Variants in CNGB1 observed in about 807,000 individuals in gnomAD.
CNGB1 encodes the protein cyclic nucleotide-gated channel beta-1.
A neutral mutation model predicts 151.7 loss-of-function variants in CNGB1; 126 were observed. The observed-to-expected ratio is 0.83, with a 90% CI of 0.72 to 0.96. CNGB1 has a LOEUF of 0.96. Among genes scored for constraint, CNGB1 ranks in the 40% least tolerant of loss-of-function variants. CNGB1 has a pLI of 0.00. For missense variants in CNGB1, 1,698 were observed against 1,627.0 expected (o/e 1.04, Z -0.75); for synonymous variants, 623 against 635.1 (o/e 0.98, Z 0.29).
chr16:57,955,276 A>G, intron 12 of CNGB1: 2 of 1,550,514 alleles, frequency 1.3e-6, no homozygotes, highest in Non-Finnish European at 1.7e-6. Context: ...TCTTCTCTTC[A>G]GGGCATCCTT....
chr16:57,902,242 T>A (rs1960411813), intron 27 of CNGB1, among the ~76,000 whole-genome samples: 1 of 151,892 alleles, frequency 6.6e-6, no homozygotes, highest in Admixed American at 6.6e-5. Context: ...GCTAATTTTT[T>A]GTATTTTTAG....
chr16:57,953,400 C>T (rs192148230), intron 12 of CNGB1, among the ~76,000 whole-genome samples: 102 of 150,762 alleles, frequency 6.8e-4, no homozygotes, highest in Non-Finnish European at 2.7e-4. Context: ...GAGGCTGAGG[C>T]AGGAGAATTG....
chr16:57,907,916 C>T (rs1272043437), intron 25 of CNGB1, among the ~76,000 whole-genome samples: 1 of 152,160 alleles, frequency 6.6e-6, no homozygotes, highest in African/African-American at 2.4e-5. Context: ...TCTTTCGAGA[C>T]AAGGTCTCAC....
Position 57,901,370 on chromosome 16 carries a change from G to T in CNGB1, c.2958C>A (p.Asn986Lys). Residue 986 changes from asparagine to lysine, a missense_variant, in exon 29 of 33, where the codon AAC (asparagine) becomes AAA (lysine). Asn to Lys is a moderately conservative substitution (Grantham distance 94, BLOSUM62 0). Transcript: ENST00000251102. ...KRLRSVVYLP[N>K]DYVCKKGEIG... ...AGCTCACCTTCTTGCACACATAGTCGTTGGGCAGGTAGACAACAGAGCGAA... is the reference window on the plus strand; with the variant it reads ...AGCTCACCTTCTTGCACACATAGTCTTTGGGCAGGTAGACAACAGAGCGAA... 7 of 1,614,118 alleles carry T rather than the reference G, an allele frequency of 4.3e-6. No individual in the cohort carries two copies. The highest frequency in any genetic ancestry group is 5.9e-6 in the Non-Finnish European group (7 of 1,180,018).
At position 57,888,063 on chromosome 16, in the gene CNGB1, C is replaced by A; in HGVS notation, c.3254G>T (p.Arg1085Ile). ...LLRKKARRMLRSNNKPKEEKS... is the reference protein window; with the variant it reads ...LLRKKARRMLISNNKPKEEKS... ...CTCCTCCTTGGGCTTATTGTTGCTT[C>A]TCAGCATGCGCCTGGAAGAAAGCAG... Residue 1085 changes from arginine to isoleucine, a missense_variant, in exon 32 of 33, where the codon AGA becomes ATA. Arg to Ile is a moderately conservative substitution (Grantham distance 97). Coordinates refer to ENST00000251102, the MANE Select transcript of CNGB1 (RefSeq NM_001297.5). 6.2e-7 allele frequency: 1 copy of A among 1,613,940 alleles called. No individual in the cohort carries two copies. Among genetic ancestry groups the A allele is most frequent in the Non-Finnish European group, 8.5e-7 (1 of 1,180,028 alleles).
Position 57,964,548 on chromosome 16 carries a change from G to C in CNGB1, c.160-4C>G. 6.2e-7 allele frequency: 1 copy of C among 1,614,122 alleles called. No individual in the cohort carries two copies. The highest frequency in any genetic ancestry group is 8.5e-7 in the Non-Finnish European group (1 of 1,180,010). On this transcript the variant is annotated splice_region_variant and splice_polypyrimidine_tract_variant and intron_variant, in intron 2 of 32. Coordinates refer to ENST00000251102, the MANE Select transcript of CNGB1 (RefSeq NM_001297.5). ...CCTTGAATGACTCTTCGGGGGGCTA[G>C]AGGGTTCGAACAGGATCATGTAAGT... is the stretch of plus-strand genomic sequence containing the variant.
chr16:57,960,096 C>G (rs772460567), intron 9 of CNGB1, 31 bp from the exon 10 acceptor site: 1 of 1,538,450 alleles, frequency 6.5e-7, no homozygotes. Flanking sequence ...GAGCTAGAGA[C>G]GCCATCCCTT....
At position 57,884,169 on chromosome 16, in the gene CNGB1, C is replaced by T. The variant is rs768947322; in HGVS notation, c.3751G>A (p.Glu1251Lys). ...GGGATCCGCCTCACCCCACCTTACT[C>T]CGCCTTCTCCTCCCTTTCCTCCGGC... ...KMPEEREEKAE is the reference protein window; with the variant it reads ...KMPEEREEKAK Residue 1251 changes from glutamate (E) to lysine (K), a missense_variant, in exon 33 of 33, where the codon GAG becomes AAG. Physicochemically the swap from Glu to Lys is moderately conservative, Grantham distance 56. Coordinates refer to ENST00000251102, the MANE Select transcript of CNGB1 (RefSeq NM_001297.5). 1 of 1,614,060 alleles carries T rather than the reference C, an allele frequency of 6.2e-7. No individual in the cohort carries two copies. Among genetic ancestry groups the T allele is most frequent in the Non-Finnish European group, 8.5e-7 (1 of 1,179,926 alleles).
intron 29 of CNGB1, among the ~76,000 whole-genome samples, chr16:57,899,176 A>C (rs1484563309): frequency 6.6e-6 from 1 of 152,210 alleles, no homozygotes; most frequent in Non-Finnish European, 1.5e-5. Context: ...AACCGAATGC[A>C]TGCATGAATG....
chr16:57,897,246 G>T, intron 31 of CNGB1, 151 bp downstream of exon 31: 1 of 793,656 alleles, frequency 1.3e-6, no homozygotes, highest in Non-Finnish European at 2.0e-6. Context: ...AGACTGTAGT[G>T]AGTCATGATC....
intron 23 of CNGB1, among the ~76,000 whole-genome samples, chr16:57,914,609 G>A (rs1456765205): frequency 6.6e-6 from 1 of 152,216 alleles, no homozygotes; most frequent in Non-Finnish European, 1.5e-5. Flanking sequence ...GATCCTGAAT[G>A]CTCTGAGTGG....
chr16:57,958,298 G>T, intron 11 of CNGB1, 112 bp downstream of exon 11: 1 of 574,102 alleles, frequency 1.7e-6, no homozygotes, highest in Non-Finnish European at 2.7e-6. Flanking sequence ...CAGACAGGAA[G>T]GCTGGGGGAG....
chr16:57,897,527 C>T lies in CNGB1; in HGVS notation c.3112G>A (p.Gly1038Ser), dbSNP rs2149355576. 1 of 1,614,136 alleles carries T rather than the reference C, an allele frequency of 6.2e-7. No individual in the cohort carries two copies. The highest frequency in any genetic ancestry group is 1.1e-5 in the South Asian group (1 of 91,082). Residue 1038 changes from glycine to serine, a missense_variant, in exon 31 of 33, where the codon GGC (glycine) becomes AGC (serine). Physicochemically the swap from Gly to Ser is moderately conservative, Grantham distance 56. Transcript: ENST00000251102. ...FGEISLLAVG[G>S]GNRRTANVVA... ...ACGTTGGCCGTGCGCCGGTTCCCGCCCCCAACAGCCAGCAAGCTGGGGCAG... is the reference window on the plus strand; with the variant it reads ...ACGTTGGCCGTGCGCCGGTTCCCGCTCCCAACAGCCAGCAAGCTGGGGCAG...
At chr16:57,885,651 T>C (rs190952486) in intron 32 of CNGB1, among the ~76,000 whole-genome samples, 14 of 150,968 alleles carry the variant, frequency 9.3e-5, no homozygotes, top group African/African-American at 3.2e-4. Context: ...TGGAGTGCAG[T>C]GGTGTGATCT....
rs1403336904 is a variant in CNGB1, at chr16:57,911,781, G to A, written c.2464C>T (p.His822Tyr). The change falls in exon 25 of 33, where the codon CAC becomes TAC. Residue 822 changes from histidine (H) to tyrosine (Y), a missense_variant. Coordinates refer to ENST00000251102, the MANE Select transcript of CNGB1 (RefSeq NM_001297.5). ...ASAYQGLGST[H>Y]WVYDGVGNSY... ...TTTCCCACGCCATCGTAAACCCAGT[G>A]AGTGGAGCCGAGGCCCTGATAGGCC... The A allele has an allele frequency of 6.2e-7, 1 of 1,614,110 alleles. No individual in the cohort carries two copies. Among genetic ancestry groups the A allele is most frequent in the Non-Finnish European group, 8.5e-7 (1 of 1,179,966 alleles).
intron 10 of CNGB1, among the ~76,000 whole-genome samples, chr16:57,959,141 A>G (rs1265815523): frequency 3.3e-5 from 5 of 152,008 alleles, no homozygotes; most frequent in African/African-American, 4.8e-5. Context: ...CGTGAACCCA[A>G]TGATGCATGC....
At chr16:57,911,985 T>C (rs559097172) in intron 24 of CNGB1, 110 bp from the exon 25 acceptor site, 2 of 1,446,798 alleles carry the variant, frequency 1.4e-6, no homozygotes, top group African/African-American at 2.8e-5. Flanking sequence ...CTGGATGCTT[T>C]GTTGAGATTG....
chr16:57,887,799 C>T, intron 32 of CNGB1, 56 bp downstream of exon 32: 3 of 1,559,330 alleles, frequency 1.9e-6, no homozygotes, highest in Non-Finnish European at 2.6e-6. Flanking sequence ...ACCCCTTGGC[C>T]TTCTCCCTGA....
At chr16:57,968,880 A>C (rs1388481507) in intron 1 of CNGB1, among the ~76,000 whole-genome samples, 3 of 151,686 alleles carry the variant, frequency 2.0e-5, no homozygotes, top group Non-Finnish European at 1.5e-5. Context: ...AAAAAAAAAA[A>C]AAAAGCCTGT....
Sources: gnomAD v4.1 joint callset for allele counts (sites outside exome capture counted in the v4.1 genomes callset) on GRCh38, gnomAD v4.1.1 for gene constraint, MANE v1.5 for transcripts, NCBI Gene and HGNC (gene_info 2026-07-23, HGNC 2026-07-21) for gene names.